The following MSI2 variants were observed in gnomAD, a reference collection of about 807,000 sequenced individuals.
MSI2 encodes RNA-binding protein Musashi homolog 2.
A neutral mutation model predicts 45.6 loss-of-function variants in MSI2; 17 were observed. That is an observed-to-expected ratio of 0.37 (90% CI 0.26 to 0.56). MSI2 has a LOEUF of 0.56. Among genes scored for constraint, MSI2 ranks in the 20% least tolerant of loss-of-function variants. The pLI is 0.77. For missense variants in MSI2, 293 were observed against 444.2 expected (o/e 0.66, Z 3.06); for synonymous variants, 156 against 158.2 (o/e 0.99, Z 0.11).
At chr17:57,593,611 T>C (rs1905033548) in intron 7 of MSI2, among the ~76,000 whole-genome samples, 1 of 152,088 alleles carries the variant, frequency 6.6e-6, no homozygotes, top group African/African-American at 2.4e-5. Flanking sequence ...TTAATTAAAT[T>C]ACATTTGCAA....
chr17:57,429,287 T>C (rs2084551186), intron 6 of MSI2, among the ~76,000 whole-genome samples: 1 of 152,174 alleles, frequency 6.6e-6, no homozygotes, highest in Non-Finnish European at 1.5e-5. Context: ...TGGCCCCGGT[T>C]TTGGAAACTT....
chr17:57,647,274 CAAAAAAAAAAAAAA>C (rs33915774), intron 10 of MSI2, among the ~76,000 whole-genome samples: 5 of 37,680 alleles, frequency 1.3e-4, no homozygotes, highest in Admixed American at 4.0e-4. Context: ...ACTAAAAATA[CAAAAAAAAAAAAAA>C]AAAAAAAAAA....
chr17:57,521,403 TTGG>T (rs2144008723), intron 6 of MSI2, among the ~76,000 whole-genome samples: 2 of 140,786 alleles, frequency 1.4e-5, no homozygotes, highest in South Asian at 4.3e-4. Context: ...TGTGAAAATA[TTGG>T]TGGTGATGGG....
At chr17:57,557,570 G>A (rs1231701159) in intron 7 of MSI2, among the ~76,000 whole-genome samples, 1 of 152,264 alleles carries the variant, frequency 6.6e-6, no homozygotes, top group African/African-American at 2.4e-5. Flanking sequence ...CTTGAAGGGT[G>A]TGTGGCCAGG....
chr17:57,549,987 T>C (rs1598391049), intron 7 of MSI2, among the ~76,000 whole-genome samples: 1 of 152,214 alleles, frequency 6.6e-6, no homozygotes, highest in Non-Finnish European at 1.5e-5. Flanking sequence ...GGGTTGATGC[T>C]GGAGCAGGAG....
At chr17:57,560,007 C>T (rs567660359) in intron 7 of MSI2, among the ~76,000 whole-genome samples, 6 of 152,368 alleles carry the variant, frequency 3.9e-5, no homozygotes, top group South Asian at 4.1e-4. Context: ...TTCTGAGGCC[C>T]GTGGCCATCT....
At chr17:57,387,530 G>A (rs1374089455) in intron 5 of MSI2, among the ~76,000 whole-genome samples, 1 of 152,212 alleles carries the variant, frequency 6.6e-6, no homozygotes, top group East Asian at 1.9e-4. Context: ...TACAGGGTCA[G>A]GAGCTACCTA....
At chr17:57,256,440 A>C, upstream of MSI2, 1 of 119,138 alleles carries the variant, frequency 8.4e-6, no homozygotes, top group Admixed American at 1.1e-4. Context: ...GCCGGGGAGG[A>C]GGGGGAGGAG....
intron 10 of MSI2, among the ~76,000 whole-genome samples, chr17:57,642,818 C>T (rs74497322): frequency 0.27 from 41,590 of 152,128 alleles, 7,208 homozygotes; most frequent in Non-Finnish European, 0.39. Flanking sequence ...CAGCTCACTG[C>T]GGAAGTTCTG....
At chr17:57,347,187 G>A (rs1915680396) in intron 5 of MSI2, among the ~76,000 whole-genome samples, 1 of 152,024 alleles carries the variant, frequency 6.6e-6, no homozygotes, top group African/African-American at 2.4e-5. Flanking sequence ...ATTGTTCCTG[G>A]AAATGAGTTC....
intron 7 of MSI2, among the ~76,000 whole-genome samples, chr17:57,554,616 A>AC (rs2087389003): frequency 6.6e-6 from 1 of 152,256 alleles, no homozygotes; most frequent in Admixed American, 6.5e-5. Flanking sequence ...GGATGATAAG[A>AC]CAGTAGCTAA....
the MSI2 span, among the ~76,000 whole-genome samples, chr17:57,697,432 G>A: frequency 1.2e-3 from 186 of 151,732 alleles, no homozygotes; most frequent in African/African-American, 4.2e-3. Context: ...CCCCTCACTC[G>A]CAGACACTCG....
At position 57,621,154 on chromosome 17, in the gene MSI2, T is replaced by C. The variant is rs756701671; in HGVS notation, c.652+5070T>C. The stretch of plus-strand genomic sequence containing the variant: ...TAGCATCAGGCAGAGTCAAATCTTT[T>C]GGTAGCATGGCCTGACATGACCCCA... On this transcript the variant is annotated intron_variant, in intron 9 of 13. Transcript: ENST00000284073. 2.6e-5 allele frequency among the ~76,000 whole-genome samples: 4 copies of C among 152,348 alleles called. No homozygotes were observed. The South Asian group carries it at 6.2e-4, about 24-fold the overall frequency.
intron 7 of MSI2, among the ~76,000 whole-genome samples, chr17:57,590,095 A>T (rs1485958902): frequency 6.6e-6 from 1 of 152,230 alleles, no homozygotes; most frequent in African/African-American, 2.4e-5. Flanking sequence ...TTCTCATGGG[A>T]TACCCAGAAT....
At chr17:57,400,446 G>C (rs947558689) in intron 5 of MSI2, among the ~76,000 whole-genome samples, 1 of 152,020 alleles carries the variant, frequency 6.6e-6, no homozygotes, top group Non-Finnish European at 1.5e-5. Context: ...TTTTTCACAC[G>C]TACATCTACA....
At chr17:57,291,081 T>C (rs1173099649) in intron 5 of MSI2, among the ~76,000 whole-genome samples, 2 of 152,170 alleles carry the variant, frequency 1.3e-5, no homozygotes, top group Non-Finnish European at 2.9e-5. Flanking sequence ...TGTCCCTGTT[T>C]TTCAGCTCAG....
intron 5 of MSI2, among the ~76,000 whole-genome samples, chr17:57,327,665 C>G (rs1385377107): frequency 1.3e-5 from 2 of 152,186 alleles, no homozygotes; most frequent in East Asian, 3.9e-4. Context: ...GATTGTGTCT[C>G]TTTCACCAGT....
chr17:57,465,653 G>A (rs940998116), intron 6 of MSI2, among the ~76,000 whole-genome samples: 1 of 152,128 alleles, frequency 6.6e-6, no homozygotes, highest in Non-Finnish European at 1.5e-5. Flanking sequence ...GTGGGTGCTG[G>A]CCTTCCCTTT....
At chr17:57,638,557 G>A (rs1910008683) in intron 10 of MSI2, among the ~76,000 whole-genome samples, 1 of 152,126 alleles carries the variant, frequency 6.6e-6, no homozygotes, top group Non-Finnish European at 1.5e-5. Flanking sequence ...GTCCATTCTG[G>A]TGACCGTAAT....
Sources: gnomAD v4.1 joint callset for allele counts (sites outside exome capture counted in the v4.1 genomes callset) on GRCh38, gnomAD v4.1.1 for gene constraint, MANE v1.5 for transcripts, NCBI Gene and HGNC (gene_info 2026-07-23, HGNC 2026-07-21) for gene names.